The following SGK2 variants were observed in gnomAD, a reference collection of about 807,000 sequenced individuals.
SGK2 encodes the protein serum/glucocorticoid regulated kinase 2.
A neutral mutation model predicts 47.5 loss-of-function variants in SGK2; 36 were observed. The observed-to-expected ratio is 0.76, with a 90% CI of 0.58 to 1.00. The LOEUF is 1.00. SGK2 is among the 50% of genes least tolerant of loss of function. The pLI is 0.00. For missense variants in SGK2, 404 were observed against 467.4 expected (o/e 0.86, Z 1.25); for synonymous variants, 157 against 181.9 (o/e 0.86, Z 1.10).
intron 3 of SGK2, 105 bp from the exon 4 acceptor site, chr20:43,567,560 C>G (rs1449308461): frequency 9.6e-7 from 1 of 1,040,436 alleles, no homozygotes; most frequent in Non-Finnish European, 1.5e-6. Context: ...GGAAGGCTCT[C>G]TGTATTTCCC....
At chr20:43,564,844 A>G (rs545586238) in intron 1 of SGK2, 3 of 152,882 alleles carry the variant, frequency 2.0e-5, no homozygotes, top group African/African-American at 7.2e-5. Flanking sequence ...GCAATCATCT[A>G]CGCAGACTCA....
chr20:43,580,593 TG>T (rs1220272603), intron 12 of SGK2, among the ~76,000 whole-genome samples: 1 of 151,638 alleles, frequency 6.6e-6, no homozygotes, highest in Non-Finnish European at 1.5e-5. Flanking sequence ...CCAGACATGG[TG>T]GTGCACACCT....
intron 3 of SGK2, 119 bp downstream of exon 3, chr20:43,567,236 GCCC>G: frequency 1.2e-6 from 1 of 828,804 alleles, no homozygotes; most frequent in Non-Finnish European, 2.0e-6. Context: ...TGCCATCTGG[GCCC>G]AGGACCTTTC....
intron 5 of SGK2, among the ~76,000 whole-genome samples, chr20:43,568,351 A>G (rs1488653292): frequency 2.6e-5 from 4 of 152,234 alleles, no homozygotes; most frequent in African/African-American, 9.6e-5. Context: ...CCATCAGGCC[A>G]TATGGCTGGA....
At chr20:43,568,181 G>C (rs1370035282) in intron 5 of SGK2, among the ~76,000 whole-genome samples, 182 bp downstream of exon 5, 2 of 152,198 alleles carry the variant, frequency 1.3e-5, no homozygotes, top group Non-Finnish European at 2.9e-5. Flanking sequence ...AGCAGGCCAA[G>C]CCATCTCACC....
At chr20:43,575,189 G>C (rs1980390517) in intron 10 of SGK2, among the ~76,000 whole-genome samples, 185 bp downstream of exon 10, 1 of 152,142 alleles carries the variant, frequency 6.6e-6, no homozygotes, top group African/African-American at 2.4e-5. Flanking sequence ...TAGGCCAGGG[G>C]CGGTGGCTCA....
rs201175023 is a variant in SGK2 at position 43,572,086 on chromosome 20, G to A, written c.546G>A (p.Lys182=). The A allele has an allele frequency of 3.2e-6, 5 of 1,550,262 alleles. No individual in the cohort carries two copies. In the East Asian group the frequency reaches 1.2e-4, roughly 38 times the overall value. ...TGCTGACGGATTTTGGCCTCTGCAAGGAAGGTGTAGAGCCTGAAGACACCA... is the reference window on the plus strand; with the variant it reads ...TGCTGACGGATTTTGGCCTCTGCAAAGAAGGTGTAGAGCCTGAAGACACCA... ...HVVLTDFGLC[K]EGVEPEDTTS... Residue 182 remains lysine, a synonymous_variant, in exon 9 of 13, where the codon AAG becomes AAA. Transcript: ENST00000373100. This position sits in a 1 kb window ranked among gnomAD's most constrained non-coding sequence, Gnocchi z 4.2.
intron 9 of SGK2, among the ~76,000 whole-genome samples, chr20:43,573,542 G>C (rs1438481580): frequency 6.6e-6 from 1 of 151,092 alleles, no homozygotes; most frequent in Non-Finnish European, 1.5e-5. Flanking sequence ...CTTGGACCTT[G>C]GACCTTGGAC....
intron 9 of SGK2, among the ~76,000 whole-genome samples, chr20:43,573,827 G>A (rs1055274639): frequency 1.3e-5 from 2 of 152,176 alleles, no homozygotes; most frequent in Non-Finnish European, 2.9e-5. Context: ...CCCAAAGCCT[G>A]ACAGTCCAGC....
In SGK2 at chr20:43,576,131, A is replaced by G. The variant is rs73907841; in HGVS notation, c.694-93A>G. 4.7e-3 allele frequency: 7,018 copies of G among 1,478,396 alleles called. 295 individuals are homozygous for G. In the African/African-American group the frequency reaches 0.085, roughly 18 times the overall value. 91.6% of individuals were successfully genotyped at this position (1,478,396 alleles called of 1,614,324 possible). On this transcript the variant is annotated intron_variant, in intron 10 of 12. Transcript: ENST00000373100. Reference sequence around the variant, plus strand: ...ATTGCACAAGACAGGGGTCATACTGAATCCTCCCAGCCGCCCACCTTGCTC... The same window carrying G: ...ATTGCACAAGACAGGGGTCATACTGGATCCTCCCAGCCGCCCACCTTGCTC...
At chr20:43,580,702 T>C (rs1178950943) in intron 12 of SGK2, among the ~76,000 whole-genome samples, 1 of 119,862 alleles carries the variant, frequency 8.3e-6, no homozygotes, top group South Asian at 2.7e-4. Context: ...CACTCCAGCG[T>C]AGGCAACAGA....
Position 43,583,340 on chromosome 20 carries a change from C to T in SGK2, c.940-1512C>T, listed in dbSNP as rs186481235. The T allele has an allele frequency of 7.0e-6, 9 of 1,279,930 alleles. No individual in the cohort carries two copies. In the East Asian group the frequency reaches 4.5e-4, roughly 64 times the overall value. The allele number at this position is 1,279,930 out of a possible 1,614,324, so 79.3% of individuals were successfully genotyped here. ...GAATGAGACACTCCGGAGCTGGATT[C>T]CTGGTTTTGTCACCTACCATTTGTG... is the stretch of plus-strand genomic sequence containing the variant. On this transcript the variant is annotated intron_variant, in intron 12 of 12. Transcript: ENST00000373100.
chr20:43,573,465 GT>G (rs563363329), intron 9 of SGK2, among the ~76,000 whole-genome samples: 1 of 145,588 alleles, frequency 6.9e-6, no homozygotes, highest in South Asian at 2.2e-4. Flanking sequence ...CTCCAGCCTG[GT>G]GGACAAGAGC....
Position 43,576,209 on chromosome 20 carries a change from T to C in SGK2, c.694-15T>C. On this transcript the variant is annotated splice_polypyrimidine_tract_variant and intron_variant, in intron 10 of 12. Coordinates refer to ENST00000373100, the MANE Select transcript of SGK2 (RefSeq NM_170693.3). ...TGCATGGGTGATCCTCCAGCTGTTC[T>C]CCCTCTCTCCCCAGCCGCCCTTCTA... 1.2e-6 allele frequency: 2 copies of C among 1,612,992 alleles called. No homozygotes were observed. The highest frequency in any genetic ancestry group is 2.2e-5 in the East Asian group (1 of 44,854).
intron 5 of SGK2, 129 bp from the exon 6 acceptor site, chr20:43,569,256 G>T (rs1979946411): frequency 1.7e-6 from 2 of 1,174,642 alleles, no homozygotes; most frequent in Admixed American, 2.2e-5. Context: ...GCCATTGTGG[G>T]TGTTTGAGCA....
rs1980697464 is a variant in SGK2, at chr20:43,580,061, G to T, written c.939G>T (p.Val313=). 6.3e-7 allele frequency: 1 copy of T among 1,585,386 alleles called. No homozygotes were observed. Among genetic ancestry groups the T allele is most frequent in the Non-Finnish European group, 8.6e-7 (1 of 1,163,744 alleles). Residue 313 remains valine, a splice_region_variant and synonymous_variant, in exon 12 of 13, where the codon GTG becomes GTT. Coordinates refer to ENST00000373100, the MANE Select transcript of SGK2 (RefSeq NM_170693.3). ...TAACTCCACCCTTCAACCCAAATGT[G>T]GTAAGAGGTCACAGCATTCTAGACT... is the stretch of plus-strand genomic sequence containing the variant. The part of the protein sequence containing the change: ...KRLTPPFNPN[V]TGPADLKHFD...
In SGK2 at chr20:43,567,864, G is replaced by A. The variant is rs913179528; in HGVS notation, c.145-52G>A. The A allele has an allele frequency of 3.5e-5, 55 of 1,583,516 alleles. 1 individual carries two copies. In the Middle Eastern group the frequency reaches 5.0e-4, roughly 14 times the overall value. ...GGCAGGCGGGAGGCCTTGTACTGCT[G>A]TTGGGAAGTCCAAAGTCACCTACAG... is the stretch of plus-strand genomic sequence containing the variant. On this transcript the variant is annotated intron_variant, in intron 4 of 12. Coordinates refer to ENST00000373100, the MANE Select transcript of SGK2 (RefSeq NM_170693.3).
Position 43,574,948 on chromosome 20 carries a change from C to G in SGK2, c.637C>G (p.Arg213Gly). 1 of 1,613,680 alleles carries G rather than the reference C, an allele frequency of 6.2e-7. No individual in the cohort carries two copies. Among genetic ancestry groups the G allele is most frequent in the Non-Finnish European group, 8.5e-7 (1 of 1,179,740 alleles). Residue 213 changes from arginine to glycine, a missense_variant, in exon 10 of 13, where the codon CGA (arginine) becomes GGA (glycine). Coordinates refer to ENST00000373100, the MANE Select transcript of SGK2 (RefSeq NM_170693.3). ...PEVLRKEPYDRAVDWWCLGAV... is the reference protein window; with the variant it reads ...PEVLRKEPYDGAVDWWCLGAV... ...AGTGCTTCGGAAAGAGCCTTATGAT[C>G]GAGCAGTGGACTGGTGGTGCTTGGG...
intron 6 of SGK2, 105 bp from the exon 7 acceptor site, chr20:43,570,512 G>T (rs952605695): frequency 8.6e-6 from 6 of 698,542 alleles, no homozygotes; most frequent in Non-Finnish European, 1.5e-5. Context: ...AATGCTGCAG[G>T]TCAGAGAGGG....
Sources: gnomAD v4.1 joint callset for allele counts (sites outside exome capture counted in the v4.1 genomes callset) on GRCh38, gnomAD v4.1.1 for gene constraint, Gnocchi (gnomAD v3.1) non-coding constraint, MANE v1.5 for transcripts, NCBI Gene and HGNC (gene_info 2026-07-23, HGNC 2026-07-21) for gene names.